Variants in SLC12A5 observed in about 807,000 individuals in gnomAD.
SLC12A5 encodes the protein solute carrier family 12 member 5, also known as K-Cl cotransporter 2.
In SLC12A5, 18 loss-of-function variants were observed where a neutral mutation model predicts 124.0. The observed-to-expected ratio is 0.15, with a 90% CI of 0.10 to 0.22. SLC12A5 has a LOEUF of 0.22. Among genes scored for constraint, SLC12A5 ranks in the 10% least tolerant of loss-of-function variants. SLC12A5 has a pLI of 1.00. For synonymous variants in SLC12A5, 589 were observed against 568.0 expected (o/e 1.04, Z -0.53); for missense variants, 867 against 1,478.7 (o/e 0.59, Z 6.78).
rs536077454 is a variant in SLC12A5 at position 46,043,440 on chromosome 20, A to G, written c.1237+117A>G. 2.6e-5 allele frequency: 35 copies of G among 1,349,946 alleles called. No homozygotes were observed. In the South Asian group the frequency reaches 4.3e-4, roughly 17 times the overall value. 83.6% of individuals were successfully genotyped at this position (1,349,946 alleles called of 1,614,324 possible). A position where few individuals can be genotyped will look rare whatever the true frequency, so the allele number is the denominator to read the frequency against. On this transcript the variant is annotated intron_variant, in intron 9 of 25. Coordinates refer to ENST00000243964, the MANE Select transcript of SLC12A5 (RefSeq NM_020708.5). Reference sequence around the variant, plus strand: ...ACCCCATCATGAAAGCAACCGTAACATTTCACTTCCCATTGGAGAGATGAG... The same window carrying G: ...ACCCCATCATGAAAGCAACCGTAACGTTTCACTTCCCATTGGAGAGATGAG...
upstream of SLC12A5, chr20:46,021,805 G>C (rs758646898): frequency 6.5e-7 from 1 of 1,533,008 alleles, no homozygotes; most frequent in African/African-American, 1.4e-5. Context: ...GCCCCCCGCA[G>C]GGCCCGCCAG....
chr20:46,055,065 G>T (rs772687493), intron 21 of SLC12A5, 42 bp downstream of exon 21: 3 of 1,486,698 alleles, frequency 2.0e-6, no homozygotes, highest in Non-Finnish European at 2.8e-6. Context: ...TCAAACTGCT[G>T]CCAGTTCTGG....
intron 1 of SLC12A5, among the ~76,000 whole-genome samples, chr20:46,034,310 C>T (rs1042606114): frequency 6.6e-6 from 1 of 152,206 alleles, no homozygotes. Flanking sequence ...CTGGATGCCT[C>T]TCCTGTGTCC....
upstream of SLC12A5, among the ~76,000 whole-genome samples, chr20:46,024,763 G>A (rs938834602): frequency 6.6e-6 from 1 of 152,222 alleles, no homozygotes; most frequent in African/African-American, 2.4e-5. Flanking sequence ...TGGATTGCGG[G>A]CCACACACCT....
rs1170387887 is a variant in SLC12A5, at chr20:46,056,298, C to T, written c.2910+26C>T. On this transcript the variant is annotated intron_variant, in intron 22 of 25. Coordinates refer to ENST00000243964, the MANE Select transcript of SLC12A5 (RefSeq NM_020708.5). The surrounding 1 kb of genome is among the most constrained non-coding windows in gnomAD (Gnocchi z 4.3). ...GTGTGCAGCTTGGGTGGTTTGGCCCCAACCAGTGGGAGCAGAGCCCTTGGC... is the reference window on the plus strand; with the variant it reads ...GTGTGCAGCTTGGGTGGTTTGGCCCTAACCAGTGGGAGCAGAGCCCTTGGC... 6.2e-7 allele frequency: 1 copy of T among 1,613,740 alleles called. No individual in the cohort carries two copies. The highest frequency in any genetic ancestry group is 1.1e-5 in the South Asian group (1 of 91,032).
intron 4 of SLC12A5, 66 bp from the exon 5 acceptor site, chr20:46,036,675 T>A: frequency 6.3e-7 from 1 of 1,581,100 alleles, no homozygotes; most frequent in Non-Finnish European, 8.7e-7. Context: ...GTATAAGGCT[T>A]GGCCCCCACC....
rs2084648859 is a variant in SLC12A5, at chr20:46,051,776, G to A, written c.2283G>A (p.Gly761=). The part of the protein sequence containing the change: ...RDGVSHLIQS[G]GLGGLQHNTV... ...GCGTGTCCCATCTGATCCAGTCCGGGGGCCTCGGGGGGCTGCAGCACAACA... is the reference window on the plus strand; with the variant it reads ...GCGTGTCCCATCTGATCCAGTCCGGAGGCCTCGGGGGGCTGCAGCACAACA... Residue 761 remains glycine, a synonymous_variant, in exon 18 of 26, where the codon GGG becomes GGA. Coordinates refer to ENST00000243964, the MANE Select transcript of SLC12A5 (RefSeq NM_020708.5). 2.5e-6 allele frequency: 4 copies of A among 1,609,364 alleles called. No homozygotes were observed. Among genetic ancestry groups the A allele is most frequent in the Non-Finnish European group, 3.4e-6 (4 of 1,178,094 alleles).
chr20:46,055,406 T>C (rs1159845715), intron 21 of SLC12A5, among the ~76,000 whole-genome samples: 1 of 152,008 alleles, frequency 6.6e-6, no homozygotes, highest in Non-Finnish European at 1.5e-5. Context: ...GATGGGTGTT[T>C]AGAGATATAA....
chr20:46,040,873 T>C (rs1168673521), intron 7 of SLC12A5: 1 of 544,402 alleles, frequency 1.8e-6, no homozygotes, highest in South Asian at 2.3e-5. Flanking sequence ...AAGAATTAAG[T>C]GGGAATGAGT....
In SLC12A5 at chr20:46,041,431, C is replaced by A. The variant is rs762904398; in HGVS notation, c.957C>A (p.Gly319=). Residue 319 remains glycine, a synonymous_variant, in exon 8 of 26, where the codon GGC becomes GGA. Coordinates refer to ENST00000243964, the MANE Select transcript of SLC12A5 (RefSeq NM_020708.5). ...GNETVTTRLW[G]LFCSSRFLNA... is the part of the protein sequence containing the mutation. ...AGACGGTGACCACACGGCTATGGGG[C>A]CTTTTCTGCTCCTCTCGCTTCCTCA... is the stretch of plus-strand genomic sequence containing the variant. The A allele has an allele frequency of 6.2e-7, 1 of 1,614,016 alleles. No individual in the cohort carries two copies. Among genetic ancestry groups the A allele is most frequent in the East Asian group, 2.2e-5 (1 of 44,882 alleles).
chr20:46,030,240 T>A (rs2084436894), intron 1 of SLC12A5, among the ~76,000 whole-genome samples: 1 of 152,146 alleles, frequency 6.6e-6, no homozygotes, highest in African/African-American at 2.4e-5. Context: ...GTCTTTTTAG[T>A]TAGCTCTGCT....
chr20:46,053,859 T>A lies in SLC12A5; in HGVS notation c.2679+150T>A. The stretch of plus-strand genomic sequence containing the variant: ...TCTTAGCCTCTCACATATTCAGCCA[T>A]CCCTCCCTTCTCTATAAAAGTAGCC... On this transcript the variant is annotated intron_variant, in intron 20 of 25. Transcript: ENST00000243964. The surrounding 1 kb of genome is among the most constrained non-coding windows in gnomAD (Gnocchi z 4.7). 1.1e-6 allele frequency: 1 copy of A among 902,534 alleles called. No homozygotes were observed. The highest frequency in any genetic ancestry group is 1.6e-6 in the Non-Finnish European group (1 of 630,548). 55.9% of individuals were successfully genotyped at this position (902,534 alleles called of 1,614,324 possible).
At chr20:46,041,234 C>G in intron 7 of SLC12A5, 95 bp from the exon 8 acceptor site, 2 of 1,006,352 alleles carry the variant, frequency 2.0e-6, no homozygotes, top group Non-Finnish European at 3.0e-6. Context: ...GGGGACCTGG[C>G]GTCCGTGTGT....
chr20:46,043,634 G>C lies in SLC12A5; in HGVS notation c.1239G>C (p.Gly413=). 1 of 1,614,206 alleles carries C rather than the reference G, an allele frequency of 6.2e-7. No homozygotes were observed. The highest frequency in any genetic ancestry group is 8.5e-7 in the Non-Finnish European group (1 of 1,180,030). The change falls in exon 10 of 26, where the codon GGG becomes GGC. Residue 413 remains glycine (G), a splice_region_variant and synonymous_variant. Transcript: ENST00000243964. Reference sequence around the variant, plus strand: ...CCTAGCTGCACTTCTGTTTTGCAGGGATCATGGCTGGTTCTAACCGCTCTG... The same window carrying C: ...CCTAGCTGCACTTCTGTTTTGCAGGCATCATGGCTGGTTCTAACCGCTCTG... ...LVGIYFPSVT[G]IMAGSNRSGD... is the part of the protein sequence containing the mutation.
Position 46,056,569 on chromosome 20 carries a change from G to A in SLC12A5, c.3110+5G>A, listed in dbSNP as rs748005684. On this transcript the variant is annotated splice_donor_5th_base_variant and intron_variant, in intron 23 of 25. Coordinates refer to ENST00000243964, the MANE Select transcript of SLC12A5 (RefSeq NM_020708.5). The surrounding 1 kb of genome is among the most constrained non-coding windows in gnomAD (Gnocchi z 4.3). ...GGACTTCTTCAGCATGAAGCCGTAC[G>A]GGCCTGGGGGCTAAGGGCTGGGGGC... 3 of 1,612,452 alleles carry A rather than the reference G, an allele frequency of 1.9e-6. No homozygotes were observed. Among genetic ancestry groups the A allele is most frequent in the South Asian group, 1.1e-5 (1 of 90,908 alleles).
chr20:46,059,660 C>G lies in SLC12A5; in HGVS notation c.*2055C>G, dbSNP rs558998527. 2.8e-5 allele frequency: 11 copies of G among 399,048 alleles called. No individual in the cohort carries two copies. In the South Asian group the frequency reaches 1.0e-3, roughly 37 times the overall value. 24.7% of individuals were successfully genotyped at this position (399,048 alleles called of 1,614,324 possible). On this transcript the variant is annotated 3_prime_UTR_variant, in exon 26 of 26. Transcript: ENST00000243964. The stretch of plus-strand genomic sequence containing the variant: ...AAACAGACATCCCACAACAAAAACC[C>G]AAGTTTTCTGTGCTACATGTGCAAT...
intron 16 of SLC12A5, among the ~76,000 whole-genome samples, chr20:46,049,272 G>A (rs1164969351): frequency 6.6e-6 from 1 of 152,212 alleles, no homozygotes; most frequent in Non-Finnish European, 1.5e-5. Flanking sequence ...ATAAGTTTAT[G>A]TACACGTGGG....
In SLC12A5 at chr20:46,040,668, G is replaced by T. The variant is rs750396412; in HGVS notation, c.854+54G>T. ...ATCGTCCTCCTACCTCCCTGGCCCT[G>T]TTTCAGAGTCTCTGCCAAACTCCCC... On this transcript the variant is annotated intron_variant, in intron 7 of 25. Coordinates refer to ENST00000243964, the MANE Select transcript of SLC12A5 (RefSeq NM_020708.5). The T allele has an allele frequency of 4.3e-5, 69 of 1,591,564 alleles. No individual in the cohort carries two copies. In the African/African-American group the frequency reaches 6.8e-4, roughly 16 times the overall value.
Position 46,053,840 on chromosome 20 carries a change from C to T in SLC12A5, c.2679+131C>T. 1 of 1,056,214 alleles carries T rather than the reference C, an allele frequency of 9.5e-7. No homozygotes were observed. Among genetic ancestry groups the T allele is most frequent in the East Asian group, 2.8e-5 (1 of 35,522 alleles). 65.4% of individuals were successfully genotyped at this position (1,056,214 alleles called of 1,614,324 possible). On this transcript the variant is annotated intron_variant, in intron 20 of 25. Transcript: ENST00000243964. The surrounding 1 kb of genome is among the most constrained non-coding windows in gnomAD (Gnocchi z 4.7). ...CCTTTCCCCCTCATCCATCTCTTAG[C>T]CTCTCACATATTCAGCCATCCCTCC... is the stretch of plus-strand genomic sequence containing the variant.
Sources: allele counts gnomAD v4.1 joint callset (sites outside exome capture counted in the v4.1 genomes callset), GRCh38; gene constraint gnomAD v4.1.1; non-coding constraint Gnocchi (gnomAD v3.1); transcripts MANE v1.5; gene names NCBI Gene and HGNC (gene_info 2026-07-23, HGNC 2026-07-21).